The following GPC6 variants were observed in gnomAD, a reference collection of about 807,000 sequenced individuals.
The protein encoded by GPC6 is glypican-6.
GPC6 carries 14 observed loss-of-function variants against 55.2 expected under a neutral mutation model. That is an observed-to-expected ratio of 0.25 (90% CI 0.17 to 0.40). GPC6 has a LOEUF of 0.40. GPC6 is among the 10% of genes least tolerant of loss of function. GPC6 has a pLI of 1.00. For synonymous variants in GPC6, 278 were observed against 259.6 expected, an observed-to-expected ratio of 1.07 and a Z score of -0.68; for missense variants, 641 against 708.5, an observed-to-expected ratio of 0.90 and a Z score of 1.08.
At chr13:93,296,879 A>G (rs1160414715) in intron 1 of GPC6, among the ~76,000 whole-genome samples, 1 of 152,160 alleles carries the variant, frequency 6.6e-6, no homozygotes, top group Non-Finnish European at 1.5e-5. Flanking sequence ...AGTCGTAGCC[A>G]TCCAAAGTTA....
At chr13:93,671,496 C>CG (rs1413978665) in intron 2 of GPC6, among the ~76,000 whole-genome samples, 1 of 152,082 alleles carries the variant, frequency 6.6e-6, no homozygotes, top group African/African-American at 2.4e-5. Context: ...TATCTTCCCT[C>CG]TGGGGTGTTT....
intron 1 of GPC6, among the ~76,000 whole-genome samples, chr13:93,266,567 C>G (rs936266117): frequency 6.6e-6 from 1 of 152,084 alleles, no homozygotes; most frequent in African/African-American, 2.4e-5. Flanking sequence ...TTAATTGCCT[C>G]CATACAGCAT....
At chr13:93,296,936 T>C (rs1217742401) in intron 1 of GPC6, among the ~76,000 whole-genome samples, 3 of 152,172 alleles carry the variant, frequency 2.0e-5, no homozygotes, top group East Asian at 1.9e-4. Context: ...AGACAAAAGA[T>C]AGGCCAAATA....
At chr13:93,314,289 A>G (rs1879169019) in intron 1 of GPC6, among the ~76,000 whole-genome samples, 1 of 152,172 alleles carries the variant, frequency 6.6e-6, no homozygotes, top group Non-Finnish European at 1.5e-5. Context: ...AAGCCATTGT[A>G]GGTGAGACTG....
intron 3 of GPC6, among the ~76,000 whole-genome samples, chr13:93,999,256 C>A: frequency 6.6e-6 from 1 of 152,086 alleles, no homozygotes; most frequent in Admixed American, 6.6e-5. Context: ...GTTAAACTCC[C>A]ATTTATGAGT....
intron 3 of GPC6, among the ~76,000 whole-genome samples, chr13:93,845,822 G>A (rs1159241735): frequency 4.4e-5 from 6 of 136,348 alleles, no homozygotes; most frequent in African/African-American, 1.6e-4. Flanking sequence ...ACCACACTCT[G>A]GGGACTGTTG....
chr13:93,483,433 GTTA>G (rs1264507999), intron 1 of GPC6, among the ~76,000 whole-genome samples: 6 of 151,922 alleles, frequency 3.9e-5, no homozygotes, highest in Non-Finnish European at 8.8e-5. Context: ...TAAATCATTA[GTTA>G]TTATATAGAA....
intron 4 of GPC6, among the ~76,000 whole-genome samples, chr13:94,163,657 C>G (rs555912792): frequency 6.6e-6 from 1 of 152,222 alleles, no homozygotes; most frequent in Non-Finnish European, 1.5e-5. Flanking sequence ...CAATCAAGCA[C>G]TAGATTGCCA....
In GPC6 at chr13:93,663,535, G is replaced by A. The variant is rs115896547; in HGVS notation, c.319+118114G>A. 1.5e-3 allele frequency among the ~76,000 whole-genome samples: 226 copies of A among 152,188 alleles called. 1 individual carries two copies. The highest frequency in any genetic ancestry group is 5.2e-3 in the African/African-American group (215 of 41,518). On this transcript the variant is annotated intron_variant, in intron 2 of 8. Transcript: ENST00000377047. The stretch of plus-strand genomic sequence containing the variant: ...ATATATCTGCCTCTAAGACAGATCC[G>A]TCTCTGAATAATAATGGATTTTAAA...
intron 1 of GPC6, among the ~76,000 whole-genome samples, chr13:93,337,223 G>A (rs200908680): frequency 6.6e-6 from 1 of 152,236 alleles, no homozygotes; most frequent in East Asian, 1.9e-4. Context: ...AGTTTGTTTA[G>A]CTTGATTTTC....
At chr13:93,283,785 A>G (rs548345610) in intron 1 of GPC6, among the ~76,000 whole-genome samples, 2 of 152,314 alleles carry the variant, frequency 1.3e-5, no homozygotes, top group South Asian at 2.1e-4. Flanking sequence ...TTGGATAGAT[A>G]TGGGTGCTGT....
chr13:93,484,298 C>T (rs1222980374), intron 1 of GPC6, among the ~76,000 whole-genome samples: 4 of 151,958 alleles, frequency 2.6e-5, no homozygotes, highest in South Asian at 2.1e-4. Context: ...TTTAGTTCTC[C>T]AAGAATCTAT....
chr13:93,980,327 TTTTC>T (rs1480658758), intron 3 of GPC6, among the ~76,000 whole-genome samples: 1 of 152,154 alleles, frequency 6.6e-6, no homozygotes, highest in South Asian at 2.1e-4. Flanking sequence ...TATTGATTAG[TTTTC>T]TTTGTTTTGC....
rs117970079 is a variant in GPC6 at position 94,162,312 on chromosome 13, G to C, written c.878-124037G>C. 7.3e-3 allele frequency among the ~76,000 whole-genome samples: 1,108 copies of C among 152,286 alleles called. 6 individuals are homozygous for C. The highest frequency in any genetic ancestry group is 0.017 in the African/African-American group (718 of 41,576). Reference sequence around the variant, plus strand: ...ACTGGCCACCTTGGGGTTGCAAGCTGGCTGCCAGCAGTATCTGAGGCTAGC... The same window carrying C: ...ACTGGCCACCTTGGGGTTGCAAGCTCGCTGCCAGCAGTATCTGAGGCTAGC... On this transcript the variant is annotated intron_variant, in intron 4 of 8. Coordinates refer to ENST00000377047, the MANE Select transcript of GPC6 (RefSeq NM_005708.5).
At chr13:93,733,843 G>C (rs1883908459) in intron 2 of GPC6, among the ~76,000 whole-genome samples, 1 of 152,190 alleles carries the variant, frequency 6.6e-6, no homozygotes, top group South Asian at 2.1e-4. Flanking sequence ...AATGGTTGAC[G>C]AAGAGGCAGG....
chr13:93,967,529 A>T (rs1258251002), intron 3 of GPC6, among the ~76,000 whole-genome samples: 1 of 152,164 alleles, frequency 6.6e-6, no homozygotes, highest in Non-Finnish European at 1.5e-5. Flanking sequence ...CTCAAGCACA[A>T]GTAGAAACTC....
intron 2 of GPC6, among the ~76,000 whole-genome samples, chr13:93,705,467 A>G (rs1882817985): frequency 6.6e-6 from 1 of 151,886 alleles, no homozygotes; most frequent in Admixed American, 6.6e-5. Context: ...TAAGTGTAAT[A>G]TAGGTTTGTG....
intron 3 of GPC6, among the ~76,000 whole-genome samples, chr13:93,891,343 T>C (rs957433104): frequency 1.3e-5 from 2 of 152,154 alleles, no homozygotes; most frequent in Non-Finnish European, 2.9e-5. Context: ...GTTGCTTTGT[T>C]TGGCTTTCAT....
chr13:93,912,549 C>T (rs1390946878), intron 3 of GPC6, among the ~76,000 whole-genome samples: 1 of 152,060 alleles, frequency 6.6e-6, no homozygotes, highest in Non-Finnish European at 1.5e-5. Context: ...CGAGACCATC[C>T]TGGCTAACAC....
Sources: allele counts gnomAD v4.1 joint callset (sites outside exome capture counted in the v4.1 genomes callset), GRCh38; gene constraint gnomAD v4.1.1; transcripts MANE v1.5; gene names NCBI Gene and HGNC (gene_info 2026-07-23, HGNC 2026-07-21).